The following FBXO38 variants were observed in gnomAD, a reference collection of about 807,000 sequenced individuals.
FBXO38 encodes the protein F-box protein 38.
A neutral mutation model predicts 131.9 loss-of-function variants in FBXO38; 53 were observed. That is an observed-to-expected ratio of 0.40 (90% CI 0.32 to 0.51). FBXO38 has a LOEUF of 0.51. FBXO38 is among the 20% of genes least tolerant of loss of function. FBXO38 has a pLI of 0.53. For synonymous variants in FBXO38, 452 were observed against 505.6 expected (o/e 0.89, Z 1.42); for missense variants, 1,076 against 1,475.6 (o/e 0.73, Z 4.44).
chr5:148,385,131 G>GA (rs1757844530), intron 1 of FBXO38: 1 of 152,134 alleles, frequency 6.6e-6, no homozygotes, highest in Admixed American at 6.5e-5. Context: ...GGCATAGACT[G>GA]AAAAAAATCC....
chr5:148,413,626 T>A (rs1293832335), intron 9 of FBXO38: 2 of 152,142 alleles, frequency 1.3e-5, no homozygotes, highest in East Asian at 1.9e-4. Flanking sequence ...TGTGTTTGAG[T>A]TAGAAGTGCA....
intron 14 of FBXO38, among the ~76,000 whole-genome samples, chr5:148,426,120 A>C (rs1281134070): frequency 2.6e-5 from 4 of 152,156 alleles, no homozygotes; most frequent in Non-Finnish European, 1.5e-5. Context: ...GGAGTCCTAA[A>C]GCATATTTTT....
chr5:148,401,905 G>A (rs1752179399), intron 3 of FBXO38, 77 bp from the exon 4 acceptor site: 1 of 1,397,602 alleles, frequency 7.2e-7, no homozygotes, highest in East Asian at 2.3e-5. Flanking sequence ...TTAACTTTTG[G>A]TAAAAATCAC....
At chr5:148,403,313 A>G (rs2113536402) in intron 5 of FBXO38, among the ~76,000 whole-genome samples, 1 of 152,266 alleles carries the variant, frequency 6.6e-6, no homozygotes, top group East Asian at 1.9e-4. Context: ...TTAACACTGT[A>G]TTATGGTGAT....
intron 10 of FBXO38, 63 bp downstream of exon 10, chr5:148,414,369 T>C (rs1752934985): frequency 1.7e-5 from 23 of 1,333,676 alleles, no homozygotes; most frequent in Non-Finnish European, 2.0e-5. Context: ...ACTTTCCATG[T>C]TTTCTATGTG....
intron 1 of FBXO38, among the ~76,000 whole-genome samples, chr5:148,387,690 C>CTTTTT (rs142417126): frequency 1.3e-4 from 16 of 126,702 alleles, no homozygotes; most frequent in East Asian, 9.7e-4. Context: ...GAATTTATTT[C>CTTTTT]TTTTTTTTTT....
chr5:148,419,500 G>C lies in FBXO38; in HGVS notation c.1618+2296G>C, dbSNP rs10477377. The stretch of plus-strand genomic sequence containing the variant: ...TGTTAAACAGTTGACTAATATTGAT[G>C]GTTCAAATCTTCAAGTGAAAATAAT... On this transcript the variant is annotated intron_variant, in intron 12 of 21. Transcript: ENST00000340253. Among the ~76,000 whole-genome samples the C allele has an allele frequency of 7.6e-3, 1,159 of 152,254 alleles. 15 individuals are homozygous for C. Among genetic ancestry groups the C allele is most frequent in the African/African-American group, 0.027 (1,104 of 41,546 alleles).
intron 10 of FBXO38, among the ~76,000 whole-genome samples, chr5:148,414,814 T>C (rs1752960317): frequency 6.6e-6 from 1 of 152,178 alleles, no homozygotes; most frequent in Non-Finnish European, 1.5e-5. Flanking sequence ...GCACTTGATA[T>C]TTTTCCCTTA....
At chr5:148,392,581 T>TTTGTGTG (rs140169140) in intron 1 of FBXO38, among the ~76,000 whole-genome samples, 2 of 141,856 alleles carry the variant, frequency 1.4e-5, no homozygotes, top group East Asian at 4.2e-4. Context: ...TTGCTTTTCT[T>TTTGTGTG]TGTGTGTGTG....
chr5:148,406,545 A>G (rs1169978675), intron 7 of FBXO38, 151 bp downstream of exon 7: 5 of 602,170 alleles, frequency 8.3e-6, no homozygotes, highest in East Asian at 3.1e-5. Context: ...GTAAGTAACC[A>G]TGAGCATAGC....
At chr5:148,426,696 G>A (rs79275606) in intron 14 of FBXO38, among the ~76,000 whole-genome samples, 4,483 of 152,260 alleles carry the variant, frequency 0.029, 226 homozygotes, top group African/African-American at 0.1. Flanking sequence ...CACTGTGAGG[G>A]ATACAGAGAT....
intron 3 of FBXO38, 80 bp downstream of exon 3, chr5:148,399,212 G>A: frequency 1.3e-6 from 2 of 1,529,828 alleles, no homozygotes; most frequent in Non-Finnish European, 1.8e-6. Flanking sequence ...GTTACTTGTT[G>A]TCTTGAGAAA....
chr5:148,424,253 C>T, intron 13 of FBXO38, 136 bp downstream of exon 13: 1 of 854,924 alleles, frequency 1.2e-6, no homozygotes. Flanking sequence ...TTACTGAGAA[C>T]TGTAATACAT....
chr5:148,435,484 A>T (rs1163577418), intron 17 of FBXO38, among the ~76,000 whole-genome samples: 1 of 152,162 alleles, frequency 6.6e-6, no homozygotes, highest in African/African-American at 2.4e-5. Flanking sequence ...TTAAAGTGAG[A>T]TTTGTGGCCG....
At chr5:148,396,462 C>A (rs1758485589) in intron 2 of FBXO38, among the ~76,000 whole-genome samples, 1 of 152,026 alleles carries the variant, frequency 6.6e-6, no homozygotes, top group East Asian at 1.9e-4. Context: ...ACCTACAAAC[C>A]ATTTGGAGAA....
intron 15 of FBXO38, 124 bp downstream of exon 15, chr5:148,428,071 G>A (rs1581283057): frequency 9.0e-7 from 1 of 1,108,856 alleles, no homozygotes; most frequent in Non-Finnish European, 1.2e-6. Context: ...GGGTTTTGTG[G>A]GTCATGTGAA....
At chr5:148,414,836 C>A (rs1033026538) in intron 10 of FBXO38, among the ~76,000 whole-genome samples, 5 of 152,108 alleles carry the variant, frequency 3.3e-5, no homozygotes, top group African/African-American at 1.2e-4. Context: ...GGTGGGAGTT[C>A]ATTTTCCTCT....
At chr5:148,398,914 A>T in intron 2 of FBXO38, 85 bp from the exon 3 acceptor site, 1 of 1,455,194 alleles carries the variant, frequency 6.9e-7, no homozygotes, top group Non-Finnish European at 9.5e-7. Context: ...GTGGTAGGAG[A>T]TTGGAAGAAG....
At chr5:148,387,897 G>A (rs1247724009) in intron 1 of FBXO38, among the ~76,000 whole-genome samples, 2 of 151,948 alleles carry the variant, frequency 1.3e-5, no homozygotes, top group Non-Finnish European at 2.9e-5. Context: ...TCACTATGTT[G>A]GCCAGACTGG....
Sources: allele counts gnomAD v4.1 joint callset (sites outside exome capture counted in the v4.1 genomes callset), GRCh38; gene constraint gnomAD v4.1.1; transcripts MANE v1.5; gene names NCBI Gene and HGNC (gene_info 2026-07-23, HGNC 2026-07-21).